Variants in DUSP16 observed in about 807,000 individuals in gnomAD.
DUSP16 encodes the protein dual specificity protein phosphatase 16.
DUSP16 carries 21 observed loss-of-function variants against 58.3 expected under a neutral mutation model. The observed-to-expected ratio is 0.36, with a 90% CI of 0.26 to 0.52. The LOEUF is 0.52. Ranked by LOEUF, DUSP16 falls within the 20% of genes least tolerant of loss-of-function variation. DUSP16 has a pLI of 0.94. For missense variants in DUSP16, 726 were observed against 819.0 expected (o/e 0.89, Z 1.39); for synonymous variants, 320 against 323.8 (o/e 0.99, Z 0.12).
At chr12:12,560,908 C>T (rs1237436607) in intron 1 of DUSP16, 1 of 128,642 alleles carries the variant, frequency 7.8e-6, no homozygotes, top group Non-Finnish European at 1.7e-5. Context: ...CTCAGTTCCC[C>T]AAACACTAGT....
intron 1 of DUSP16, among the ~76,000 whole-genome samples, chr12:12,525,266 T>C (rs1944288177): frequency 6.6e-6 from 1 of 151,630 alleles, no homozygotes; most frequent in Non-Finnish European, 1.5e-5. Context: ...ATAAAACATG[T>C]AGAAATTCTT....
chr12:12,495,092 A>G (rs182221774), intron 4 of DUSP16, among the ~76,000 whole-genome samples: 96 of 152,288 alleles, frequency 6.3e-4, no homozygotes, highest in African/African-American at 2.3e-3. Flanking sequence ...AATGATGTGT[A>G]TTTTGTAAAG....
rs753627923 is a variant in DUSP16, at chr12:12,520,925, C to G, written c.174G>C (p.Leu58Phe). ...CTGTAATTAACACTTTGTCCTGTTG[C>G]AACCTTCGCTTCATAAGCTTGGAGC... ...INCSKLMKRR[L>F]QQDKVLITEL... Residue 58 changes from leucine (L) to phenylalanine (F), a missense_variant, in exon 2 of 7, where the codon TTG becomes TTC. Coordinates refer to ENST00000298573, the MANE Select transcript of DUSP16 (RefSeq NM_030640.3). 7.4e-6 allele frequency: 12 copies of G among 1,614,194 alleles called. No homozygotes were observed. Among genetic ancestry groups the G allele is most frequent in the Non-Finnish European group, 4.2e-6 (5 of 1,180,028 alleles).
chr12:12,510,765 C>T (rs1359930356), intron 3 of DUSP16, among the ~76,000 whole-genome samples: 1 of 152,106 alleles, frequency 6.6e-6, no homozygotes, highest in Non-Finnish European at 1.5e-5. Context: ...CCAACTTTGC[C>T]TGGTAGCTAG....
intron 1 of DUSP16, among the ~76,000 whole-genome samples, chr12:12,559,569 T>G (rs1944863994): frequency 1.3e-5 from 2 of 152,232 alleles, no homozygotes; most frequent in Admixed American, 1.3e-4. Context: ...AAAATTATTT[T>G]TGTCTAGGAA....
intron 3 of DUSP16, among the ~76,000 whole-genome samples, chr12:12,516,602 C>A (rs551416893): frequency 1.3e-5 from 2 of 152,294 alleles, no homozygotes; most frequent in East Asian, 3.9e-4. Flanking sequence ...TTAATACCAT[C>A]TTCACATCTG....
At chr12:12,561,860 GCTCCGGCCAGC>G (rs970251688) in intron 1 of DUSP16, among the ~76,000 whole-genome samples, 14 of 150,698 alleles carry the variant, frequency 9.3e-5, no homozygotes, top group Admixed American at 1.3e-4. Context: ...CCCCCTTCCC[GCTCCGGCCAGC>G]CTCCGGCCAG....
At chr12:12,518,675 C>G in intron 3 of DUSP16, among the ~76,000 whole-genome samples, 1 of 152,034 alleles carries the variant, frequency 6.6e-6, no homozygotes, top group East Asian at 1.9e-4. Context: ...ACTCATACTC[C>G]CAGTAAAAGA....
intron 1 of DUSP16, among the ~76,000 whole-genome samples, chr12:12,557,930 T>C (rs1418811269): frequency 6.6e-6 from 1 of 152,210 alleles, no homozygotes; most frequent in Non-Finnish European, 1.5e-5. Context: ...CACTTCCCTC[T>C]CTCCATACAC....
chr12:12,539,201 T>C (rs1222980446), intron 1 of DUSP16, among the ~76,000 whole-genome samples: 3 of 152,232 alleles, frequency 2.0e-5, no homozygotes, highest in African/African-American at 7.2e-5. Context: ...AACACTGTGA[T>C]TAATCTATTG....
chr12:12,545,442 C>CTT (rs71436720), intron 1 of DUSP16, among the ~76,000 whole-genome samples: 3,481 of 131,976 alleles, frequency 0.026, 88 homozygotes, highest in South Asian at 0.052. Flanking sequence ...AATTTGTGTA[C>CTT]TTTTTTTTTT....
intron 6 of DUSP16, 45 bp downstream of exon 6, chr12:12,480,178 G>A (rs770314001): frequency 6.2e-7 from 1 of 1,603,672 alleles, no homozygotes; most frequent in East Asian, 2.2e-5. Flanking sequence ...TTATGTTTCA[G>A]GTCAAATGAA....
intron 1 of DUSP16, among the ~76,000 whole-genome samples, chr12:12,553,276 C>G (rs551573348): frequency 2.6e-4 from 39 of 151,986 alleles, no homozygotes; most frequent in Non-Finnish European, 2.8e-4. Flanking sequence ...AAAAATAGCA[C>G]TTTTAAGTAT....
chr12:12,540,718 C>T (rs1199240194), intron 1 of DUSP16, among the ~76,000 whole-genome samples: 1 of 152,018 alleles, frequency 6.6e-6, no homozygotes, highest in Non-Finnish European at 1.5e-5. Flanking sequence ...GCTCTCCTAC[C>T]CCAACTCCTT....
chr12:12,485,572 C>T (rs996193303), intron 5 of DUSP16, among the ~76,000 whole-genome samples: 1 of 152,092 alleles, frequency 6.6e-6, no homozygotes, highest in Non-Finnish European at 1.5e-5. Context: ...AGTTCAGTGG[C>T]ACAATCTCAG....
intron 1 of DUSP16, among the ~76,000 whole-genome samples, chr12:12,533,441 C>T (rs900697402): frequency 2.0e-5 from 3 of 152,182 alleles, no homozygotes; most frequent in African/African-American, 4.8e-5. Flanking sequence ...CCTTCAAGCC[C>T]GGACCACACC....
chr12:12,515,167 T>C (rs1043532528), intron 3 of DUSP16, among the ~76,000 whole-genome samples: 8 of 152,266 alleles, frequency 5.3e-5, no homozygotes, highest in Non-Finnish European at 1.2e-4. Flanking sequence ...TCCTGAAATA[T>C]TCTCAATAGA....
intron 3 of DUSP16, among the ~76,000 whole-genome samples, chr12:12,501,679 C>T (rs993355448): frequency 3.9e-5 from 6 of 152,100 alleles, no homozygotes; most frequent in Admixed American, 3.3e-4. Flanking sequence ...ACGGGATCCT[C>T]GTATATTTTT....
rs117037911 is a variant in DUSP16 at position 12,485,635 on chromosome 12, C to T, written c.691+1393G>A. ...AAGCAATCCTCCCACCTCAGCCTCC[C>T]GAGTAGGCGGGACCACAGGTGCACT... is the stretch of plus-strand genomic sequence containing the variant. On this transcript the variant is annotated intron_variant, in intron 5 of 6. Transcript: ENST00000298573. Among the ~76,000 whole-genome samples the T allele has an allele frequency of 1.2e-4, 18 of 152,200 alleles. No homozygotes were observed. The East Asian group carries it at 3.5e-3, about 29-fold the overall frequency.
Sources: allele counts gnomAD v4.1 joint callset (sites outside exome capture counted in the v4.1 genomes callset), GRCh38; gene constraint gnomAD v4.1.1; transcripts MANE v1.5; gene names NCBI Gene and HGNC (gene_info 2026-07-23, HGNC 2026-07-21).